Variants in DNAJC24 observed in about 807,000 individuals in gnomAD.
The protein encoded by DNAJC24 is dnaJ homolog subfamily C member 24.
DNAJC24 carries 17 observed loss-of-function variants against 18.0 expected under a neutral mutation model. The observed-to-expected ratio is 0.94, with a 90% CI of 0.65 to 1.42. The LOEUF is 1.42. Among genes scored for constraint, DNAJC24 ranks in the 40% most tolerant of loss-of-function variants. The pLI, the probability that DNAJC24 is intolerant of heterozygous loss-of-function variation, is 0.00. For synonymous variants in DNAJC24, 55 were observed against 57.7 expected, an observed-to-expected ratio of 0.95 and a Z score of 0.21; for missense variants, 158 against 175.6, an observed-to-expected ratio of 0.90 and a Z score of 0.57.
chr11:31,372,127 C>CT (rs1169520898), intron 2 of DNAJC24, among the ~76,000 whole-genome samples: 134 of 148,138 alleles, frequency 9.0e-4, no homozygotes, highest in East Asian at 2.2e-3. Context: ...CCGGCCGACT[C>CT]TTTTTTTTTT....
intron 2 of DNAJC24, among the ~76,000 whole-genome samples, chr11:31,398,252 A>G (rs956424378): frequency 3.3e-5 from 5 of 150,462 alleles, no homozygotes; most frequent in Non-Finnish European, 7.4e-5. Context: ...AAGGTCACCT[A>G]TCTTGTTTAT....
intron 2 of DNAJC24, among the ~76,000 whole-genome samples, chr11:31,412,652 G>A (rs2133495976): frequency 6.6e-6 from 1 of 152,264 alleles, no homozygotes; most frequent in Non-Finnish European, 1.5e-5. Context: ...AGATGAAACA[G>A]TAAAGCCTTA....
chr11:31,377,624 A>C (rs1158698091), intron 2 of DNAJC24, among the ~76,000 whole-genome samples: 1 of 152,084 alleles, frequency 6.6e-6, no homozygotes, highest in African/African-American at 2.4e-5. Context: ...CATTGCTTTG[A>C]AATGGTCTAG....
chr11:31,372,912 C>T lies in DNAJC24; in HGVS notation c.111+2053C>T, dbSNP rs118057167. 4.8e-3 allele frequency among the ~76,000 whole-genome samples: 649 copies of T among 134,930 alleles called. 149 individuals are homozygous for T. The highest frequency in any genetic ancestry group is 0.016 in the South Asian group (65 of 3,966). 88.5% of individuals were successfully genotyped at this position (134,930 alleles called of 152,430 possible). On this transcript the variant is annotated intron_variant, in intron 2 of 4. Coordinates refer to ENST00000465995, the MANE Select transcript of DNAJC24 (RefSeq NM_181706.5). ...TGCCGCCTGCATGTCAAAATTGCCA[C>T]ATCCCATGAGAATCACTGGACTACT...
intron 2 of DNAJC24, among the ~76,000 whole-genome samples, chr11:31,394,753 A>G (rs1161703171): frequency 6.6e-6 from 1 of 152,122 alleles, no homozygotes; most frequent in African/African-American, 2.4e-5. Context: ...AGAAAAAAAT[A>G]AATGAATTAA....
At chr11:31,395,259 T>C (rs1952533817) in intron 2 of DNAJC24, among the ~76,000 whole-genome samples, 1 of 152,226 alleles carries the variant, frequency 6.6e-6, no homozygotes, top group Admixed American at 6.5e-5. Context: ...TGTTAATATA[T>C]GTACGACATT....
At chr11:31,422,451 CA>C (rs1268802564) in intron 3 of DNAJC24, among the ~76,000 whole-genome samples, 1 of 152,112 alleles carries the variant, frequency 6.6e-6, no homozygotes, top group Non-Finnish European at 1.5e-5. Context: ...CATTCTATGT[CA>C]AAAATTCCAG....
intron 2 of DNAJC24, chr11:31,396,143 TGCCAAA>T: frequency 3.0e-6 from 1 of 331,750 alleles, no homozygotes; most frequent in South Asian, 2.6e-5. Context: ...GTTCCTTTTT[TGCCAAA>T]TGTAGTGGAT....
rs1214934514 is a variant in DNAJC24, at chr11:31,430,305, T to G, written c.354T>G (p.Gly118=). The G allele has an allele frequency of 1.2e-6, 2 of 1,610,904 alleles. No individual in the cohort carries two copies. Among genetic ancestry groups the G allele is most frequent in the Non-Finnish European group, 1.7e-6 (2 of 1,177,934 alleles). The change falls in exon 5 of 5, where the codon GGT becomes GGG. Residue 118 remains glycine (G), a synonymous_variant. Coordinates refer to ENST00000465995, the MANE Select transcript of DNAJC24 (RefSeq NM_181706.5). The part of the protein sequence containing the change: ...DHSFYLSCRC[G]GKYSVSKDEA... ...CTTTTTATCTGAGTTGCAGATGTGG[T>G]GGAAAATACAGTGTTTCCAAGGATG...
chr11:31,409,562 TTGAG>T (rs1488126312), intron 2 of DNAJC24, among the ~76,000 whole-genome samples: 1 of 152,234 alleles, frequency 6.6e-6, no homozygotes, highest in East Asian at 1.9e-4. Context: ...ATTTGTGTTA[TTGAG>T]TGTGTCATAA....
At chr11:31,372,629 G>T (rs1456748139) in intron 2 of DNAJC24, among the ~76,000 whole-genome samples, 3 of 135,838 alleles carry the variant, frequency 2.2e-5, no homozygotes, top group African/African-American at 7.4e-5. Flanking sequence ...GAAGCAGTCT[G>T]CACATAATAT....
intron 2 of DNAJC24, among the ~76,000 whole-genome samples, chr11:31,375,129 T>C (rs376189688): frequency 1.5e-5 from 2 of 135,060 alleles, no homozygotes; most frequent in African/African-American, 5.0e-5. Flanking sequence ...CAGTGAGATA[T>C]GATTGTGTCA....
intron 2 of DNAJC24, among the ~76,000 whole-genome samples, chr11:31,379,903 G>A (rs573360576): frequency 5.9e-4 from 90 of 151,842 alleles, no homozygotes; most frequent in Non-Finnish European, 1.1e-3. Flanking sequence ...GATTACAGGC[G>A]CCCGCTACCA....
intron 2 of DNAJC24, among the ~76,000 whole-genome samples, chr11:31,393,010 G>A (rs1952512907): frequency 6.6e-6 from 1 of 152,150 alleles, no homozygotes; most frequent in Admixed American, 6.5e-5. Flanking sequence ...GCCCTCACCA[G>A]ACAATAAATC....
At chr11:31,370,213 A>G (rs1199253171) in intron 1 of DNAJC24, among the ~76,000 whole-genome samples, 5 of 152,136 alleles carry the variant, frequency 3.3e-5, no homozygotes, top group African/African-American at 1.2e-4. Flanking sequence ...TGCTGACGTT[A>G]TTTCCCATAT....
intron 3 of DNAJC24, among the ~76,000 whole-genome samples, chr11:31,424,634 A>G (rs911792223): frequency 2.6e-5 from 4 of 152,176 alleles, no homozygotes; most frequent in Admixed American, 6.6e-5. Context: ...AGATGGAGGA[A>G]CTATCTCTGA....
intron 3 of DNAJC24, among the ~76,000 whole-genome samples, chr11:31,423,321 C>T (rs763397591): frequency 5.3e-5 from 8 of 152,230 alleles, no homozygotes; most frequent in Non-Finnish European, 1.0e-4. Flanking sequence ...AGTGCAATGG[C>T]GGGATCTCGA....
At chr11:31,420,812 T>C (rs1952796796) in intron 3 of DNAJC24, among the ~76,000 whole-genome samples, 1 of 152,172 alleles carries the variant, frequency 6.6e-6, no homozygotes, top group African/African-American at 2.4e-5. Context: ...TACAATCTAC[T>C]ATTTGTAGTT....
At chr11:31,391,271 G>C (rs1481255614) in intron 2 of DNAJC24, among the ~76,000 whole-genome samples, 1 of 152,102 alleles carries the variant, frequency 6.6e-6, no homozygotes, top group Non-Finnish European at 1.5e-5. Flanking sequence ...AAACTGAAAG[G>C]CTTTCCTCTA....
Sources: allele counts gnomAD v4.1 joint callset (sites outside exome capture counted in the v4.1 genomes callset), GRCh38; gene constraint gnomAD v4.1.1; transcripts MANE v1.5; gene names NCBI Gene and HGNC (gene_info 2026-07-23, HGNC 2026-07-21).